KLRF1: variants seen among roughly 807,000 people sequenced by gnomAD.
The protein encoded by KLRF1 is killer cell lectin-like receptor subfamily F member 1.
KLRF1 carries 27 observed loss-of-function variants against 30.7 expected under a neutral mutation model. The ratio of observed to expected loss-of-function variants is 0.88; its 90% confidence interval spans 0.65 to 1.21. The LOEUF is 1.21. Among genes scored for constraint, KLRF1 ranks in the 50% most tolerant of loss-of-function variants. KLRF1 has a pLI of 0.00. For missense variants in KLRF1, 246 were observed against 259.3 expected, an observed-to-expected ratio of 0.95 and a Z score of 0.35; for synonymous variants, 92 against 89.3, an observed-to-expected ratio of 1.03 and a Z score of -0.17.
the KLRF1 span, among the ~76,000 whole-genome samples, chr12:9,814,597 G>T: frequency 2.0e-5 from 3 of 151,980 alleles, no homozygotes; most frequent in East Asian, 5.8e-4. Context: ...CTGGCTGCTC[G>T]CAAGCCCCAC....
the KLRF1 span, among the ~76,000 whole-genome samples, chr12:9,807,187 C>T: frequency 2.0e-4 from 1 of 4,940 alleles, no homozygotes; most frequent in Non-Finnish European, 6.2e-3. Flanking sequence ...TAGAAAATCA[C>T]TCATGATTTT....
At chr12:9,818,542 G>A in the KLRF1 span, among the ~76,000 whole-genome samples, 2 of 152,152 alleles carry the variant, frequency 1.3e-5, no homozygotes, top group African/African-American at 4.8e-5. Context: ...AAGCACTGTA[G>A]GCATAGAAGG....
chr12:9,844,712 A>T lies in KLRF1; in HGVS notation c.*186A>T, dbSNP rs6488232. The stretch of plus-strand genomic sequence containing the variant: ...CCCCTGTTAACAAACTAAAATGTAC[A>T]CTTCAAAATTTTTACGTGATAGTAT... On this transcript the variant is annotated 3_prime_UTR_variant, in exon 6 of 6. Transcript: ENST00000617889. 1.4e-5 allele frequency: 6 copies of T among 429,222 alleles called. No individual in the cohort carries two copies. The highest frequency in any genetic ancestry group is 1.2e-4 in the African/African-American group (6 of 49,620). 26.6% of individuals were successfully genotyped at this position (429,222 alleles called of 1,614,324 possible).
At chr12:9,816,406 A>C in the KLRF1 span, among the ~76,000 whole-genome samples, 1 of 152,188 alleles carries the variant, frequency 6.6e-6, no homozygotes, top group South Asian at 2.1e-4. Flanking sequence ...ACAGCAACAT[A>C]TATTGGTAAG....
intron 3 of KLRF1, among the ~76,000 whole-genome samples, chr12:9,836,681 T>C (rs1375291633): frequency 6.6e-6 from 1 of 152,170 alleles, no homozygotes; most frequent in Non-Finnish European, 1.5e-5. Flanking sequence ...AAATTTTATA[T>C]ATTTTATGTT....
the KLRF1 span, among the ~76,000 whole-genome samples, chr12:9,802,900 GATTCA>G: frequency 2.0e-5 from 3 of 152,146 alleles, no homozygotes; most frequent in Non-Finnish European, 4.4e-5. Context: ...GTAATTTATA[GATTCA>G]ATGATATTCC....
At chr12:9,834,536 A>G (rs1024038732) in intron 3 of KLRF1, among the ~76,000 whole-genome samples, 1 of 151,906 alleles carries the variant, frequency 6.6e-6, no homozygotes, top group Non-Finnish European at 1.5e-5. Flanking sequence ...TTTTGTGGTA[A>G]GGGGTGATAT....
At chr12:9,813,535 T>G in the KLRF1 span, among the ~76,000 whole-genome samples, 100 of 152,182 alleles carry the variant, frequency 6.6e-4, no homozygotes, top group Non-Finnish European at 5.7e-4. Context: ...ACACATTTCA[T>G]GATACGGAGG....
At chr12:9,816,242 C>T in the KLRF1 span, among the ~76,000 whole-genome samples, 1 of 152,346 alleles carries the variant, frequency 6.6e-6, no homozygotes, top group East Asian at 1.9e-4. Context: ...TTGCCATAGG[C>T]ATTAGAACCT....
chr12:9,820,153 T>C, the KLRF1 span, among the ~76,000 whole-genome samples: 1 of 152,010 alleles, frequency 6.6e-6, no homozygotes, highest in Non-Finnish European at 1.5e-5. Context: ...ACCAGTGTGT[T>C]TGGGCCAGCA....
chr12:9,814,805 T>C, the KLRF1 span, among the ~76,000 whole-genome samples: 4 of 139,714 alleles, frequency 2.9e-5, no homozygotes, highest in South Asian at 8.9e-4. Flanking sequence ...GTTATTGTAA[T>C]GGAGGTAAAG....
intron 1 of KLRF1, among the ~76,000 whole-genome samples, chr12:9,828,057 A>G (rs1040996738): frequency 1.3e-5 from 2 of 151,978 alleles, no homozygotes; most frequent in African/African-American, 4.8e-5. Context: ...CCTCCTTATC[A>G]TTCATAGAAT....
chr12:9,843,513 T>C (rs1459152167), intron 5 of KLRF1, among the ~76,000 whole-genome samples: 1 of 152,154 alleles, frequency 6.6e-6, no homozygotes, highest in African/African-American at 2.4e-5. Context: ...TAAATCAATA[T>C]AAAAAGTGAA....
the KLRF1 span, among the ~76,000 whole-genome samples, chr12:9,811,587 T>C: frequency 3.3e-5 from 5 of 152,102 alleles, no homozygotes; most frequent in Non-Finnish European, 7.3e-5. Flanking sequence ...TTAAATTAGA[T>C]AAAAGTTGGA....
the KLRF1 span, among the ~76,000 whole-genome samples, chr12:9,820,024 C>T: frequency 1.6e-3 from 237 of 152,120 alleles, no homozygotes; most frequent in African/African-American, 5.5e-3. Flanking sequence ...GCTGGTTGGA[C>T]CCTCAACACA....
At chr12:9,829,113 T>C (rs1183657672) in intron 1 of KLRF1, among the ~76,000 whole-genome samples, 1 of 152,216 alleles carries the variant, frequency 6.6e-6, no homozygotes, top group Non-Finnish European at 1.5e-5. Flanking sequence ...TCTTTTCTCA[T>C]ATATTGAAAA....
chr12:9,837,960 G>C (rs1311716885), intron 3 of KLRF1, among the ~76,000 whole-genome samples: 1 of 152,202 alleles, frequency 6.6e-6, no homozygotes. Flanking sequence ...CCCTGCTTCA[G>C]GGTGAGCCCT....
chr12:9,833,199 A>G, intron 2 of KLRF1, 104 bp from the exon 3 acceptor site: 1 of 761,458 alleles, frequency 1.3e-6, no homozygotes, highest in Non-Finnish European at 2.0e-6. Flanking sequence ...TGACCGTTTC[A>G]ATTATTTCTT....
At chr12:9,802,344 A>G in the KLRF1 span, among the ~76,000 whole-genome samples, 6 of 152,168 alleles carry the variant, frequency 3.9e-5, no homozygotes, top group South Asian at 1.0e-3. Flanking sequence ...TCTCAAAATA[A>G]TAAGAGTTAT....
Sources: allele counts gnomAD v4.1 joint callset (sites outside exome capture counted in the v4.1 genomes callset), GRCh38; gene constraint gnomAD v4.1.1; transcripts MANE v1.5; gene names NCBI Gene and HGNC (gene_info 2026-07-23, HGNC 2026-07-21).